Variants in MORN5 observed in about 807,000 individuals in gnomAD.
MORN5 encodes the protein MORN repeat-containing protein 5.
In MORN5, 21 loss-of-function variants were observed where a neutral mutation model predicts 22.1. The ratio of observed to expected loss-of-function variants is 0.95; its 90% CI spans 0.67 to 1.37. The LOEUF (loss-of-function observed/expected upper bound fraction) is 1.37, where lower values mean the gene tolerates loss of function less well. MORN5 is among the 40% of genes most tolerant of loss of function. The probability of loss-of-function intolerance (pLI) is 0.00; values close to 1 mark genes in which losing one functional copy is unlikely to be tolerated. For synonymous variants in MORN5, 73 were observed against 74.0 expected, an observed-to-expected ratio of 0.99 and a Z score of 0.07; for missense variants, 211 against 215.1, an observed-to-expected ratio of 0.98 and a Z score of 0.12.
chr9:122,160,153 A>G, intron 1 of MORN5, 134 bp downstream of exon 1: 1 of 720,288 alleles, frequency 1.4e-6, no homozygotes, highest in Non-Finnish European at 2.4e-6. Flanking sequence ...CAAGGACCAT[A>G]TCTAATAAGC....
chr9:122,192,204 C>T (rs1378345877), intron 4 of MORN5, among the ~76,000 whole-genome samples: 1 of 152,254 alleles, frequency 6.6e-6, no homozygotes, highest in African/African-American at 2.4e-5. Context: ...TGTGTTGCCA[C>T]ATGAGCCCTG....
intron 4 of MORN5, among the ~76,000 whole-genome samples, chr9:122,178,997 A>G (rs954351199): frequency 5.9e-5 from 9 of 152,226 alleles, no homozygotes; most frequent in African/African-American, 2.2e-4. Context: ...CAGAGAACTC[A>G]GTAGGGATTA....
chr9:122,191,946 G>C (rs920805571), intron 4 of MORN5, among the ~76,000 whole-genome samples: 2 of 152,216 alleles, frequency 1.3e-5, no homozygotes, highest in Non-Finnish European at 2.9e-5. Flanking sequence ...TCCCTTACAG[G>C]CATCCATTTT....
intron 4 of MORN5, among the ~76,000 whole-genome samples, chr9:122,189,509 T>A (rs1829711780): frequency 6.6e-6 from 1 of 152,068 alleles, no homozygotes; most frequent in South Asian, 2.1e-4. Context: ...GGTAGGAGGA[T>A]CTCTTGAACC....
At chr9:122,188,791 T>G (rs1020116106) in intron 4 of MORN5, among the ~76,000 whole-genome samples, 3 of 152,234 alleles carry the variant, frequency 2.0e-5, no homozygotes, top group Non-Finnish European at 4.4e-5. Context: ...CCCCTCTCCA[T>G]TCAGCACACA....
chr9:122,176,233 T>C (rs1236478590), intron 4 of MORN5, among the ~76,000 whole-genome samples: 1 of 151,320 alleles, frequency 6.6e-6, no homozygotes, highest in African/African-American at 2.4e-5. Context: ...TGGCAAATGC[T>C]CACACTCCAA....
At chr9:122,173,133 C>T (rs1466133835) in intron 3 of MORN5, among the ~76,000 whole-genome samples, 3 of 152,172 alleles carry the variant, frequency 2.0e-5, no homozygotes, top group Admixed American at 6.5e-5. Context: ...TGGCATTTCC[C>T]GAACCTGCCT....
intron 1 of MORN5, among the ~76,000 whole-genome samples, chr9:122,160,317 G>T (rs1829172397): frequency 6.6e-6 from 1 of 152,158 alleles, no homozygotes; most frequent in African/African-American, 2.4e-5. Flanking sequence ...AGTTGGAGAT[G>T]TATTGCCAAT....
chr9:122,160,058 A>G, intron 1 of MORN5, 39 bp downstream of exon 1: 2 of 1,565,924 alleles, frequency 1.3e-6, no homozygotes, highest in Non-Finnish European at 1.7e-6. Flanking sequence ...TACCTTGAAT[A>G]GCTGTGACTG....
intron 3 of MORN5, among the ~76,000 whole-genome samples, chr9:122,170,347 C>T (rs1040300343): frequency 6.6e-6 from 1 of 151,944 alleles, no homozygotes; most frequent in Non-Finnish European, 1.5e-5. Context: ...CATCTACCTC[C>T]CAAGATTGTT....
chr9:122,169,653 T>C lies in MORN5; in HGVS notation c.204T>C (p.Tyr68=), dbSNP rs763849629. The C allele has an allele frequency of 1.9e-6, 3 of 1,613,282 alleles. No homozygotes were observed. The East Asian group carries it at 6.7e-5, about 36-fold the overall frequency. The change falls in exon 3 of 5, where the codon TAT becomes TAC. Residue 68 remains tyrosine, a synonymous_variant. Transcript: ENST00000373764. Reference sequence around the variant, plus strand: ...TGCTCCTTGTCTTCCAGGGCACATATACGTTCTCAGATGGGCTGCACTATG... The same window carrying C: ...TGCTCCTTGTCTTCCAGGGCACATACACGTTCTCAGATGGGCTGCACTATG... The part of the protein sequence containing the change: ...WENGLAIKGT[Y]TFSDGLHYDE...
At chr9:122,184,322 A>T (rs544777516) in intron 4 of MORN5, among the ~76,000 whole-genome samples, 1 of 152,344 alleles carries the variant, frequency 6.6e-6, no homozygotes, top group South Asian at 2.1e-4. Flanking sequence ...GCTCCCAGAC[A>T]TGATGTTTAT....
intron 4 of MORN5, among the ~76,000 whole-genome samples, chr9:122,179,637 T>C (rs1364028879): frequency 6.6e-6 from 1 of 152,144 alleles, no homozygotes; most frequent in Admixed American, 6.5e-5. Flanking sequence ...TAAGAGTCTA[T>C]GATGGAGGAG....
chr9:122,183,379 T>G (rs1477593386), intron 4 of MORN5, among the ~76,000 whole-genome samples: 1 of 152,170 alleles, frequency 6.6e-6, no homozygotes, highest in Non-Finnish European at 1.5e-5. Context: ...GTAGTAATCA[T>G]CTGCAAAATA....
At chr9:122,185,126 G>C (rs12001896) in intron 4 of MORN5, among the ~76,000 whole-genome samples, 1,767 of 152,240 alleles carry the variant, frequency 0.012, 40 homozygotes, top group African/African-American at 0.038. Flanking sequence ...CACAATCTCG[G>C]CTCACTGCAA....
At chr9:122,178,878 C>G (rs564772573) in intron 4 of MORN5, among the ~76,000 whole-genome samples, 1 of 152,172 alleles carries the variant, frequency 6.6e-6, no homozygotes, top group Non-Finnish European at 1.5e-5. Context: ...TTCCATAGAG[C>G]GTTCCCTTTC....
At chr9:122,193,038 ACT>A (rs1260484988) in intron 4 of MORN5, among the ~76,000 whole-genome samples, 1 of 152,164 alleles carries the variant, frequency 6.6e-6, no homozygotes, top group Non-Finnish European at 1.5e-5. Context: ...TACAACGAAC[ACT>A]GTGACTTCGG....
chr9:122,193,442 G>T (rs901075527), intron 4 of MORN5, among the ~76,000 whole-genome samples: 8 of 152,126 alleles, frequency 5.3e-5, no homozygotes, highest in Non-Finnish European at 1.2e-4. Flanking sequence ...AAAATTAGCT[G>T]GGCGTGGTGG....
chr9:122,190,027 T>A, intron 4 of MORN5, among the ~76,000 whole-genome samples: 1 of 151,838 alleles, frequency 6.6e-6, no homozygotes, highest in African/African-American at 2.4e-5. Flanking sequence ...ACTTTTCCCC[T>A]CACCCATCAA....
Sources: gnomAD v4.1 joint callset for allele counts (sites outside exome capture counted in the v4.1 genomes callset) on GRCh38, gnomAD v4.1.1 for gene constraint, MANE v1.5 for transcripts, NCBI Gene and HGNC (gene_info 2026-07-23, HGNC 2026-07-21) for gene names.